Variants in AKAP9 observed in about 807,000 individuals in gnomAD.
AKAP9 encodes the protein A-kinase anchoring protein 9, also known as A-kinase anchor protein 9.
In AKAP9, 311 loss-of-function variants were observed where a neutral mutation model predicts 488.5. The ratio of observed to expected loss-of-function variants is 0.64; its 90% CI spans 0.58 to 0.70. The LOEUF (loss-of-function observed/expected upper bound fraction) is 0.70, where lower values mean the gene tolerates loss of function less well. Among genes scored for constraint, AKAP9 ranks in the 30% least tolerant of loss-of-function variants. AKAP9 has a pLI of 0.00. For synonymous variants in AKAP9, 1,462 were observed against 1,483.5 expected (o/e 0.99, Z 0.33); for missense variants, 4,215 against 4,374.5 (o/e 0.96, Z 1.03).
intron 16 of AKAP9, among the ~76,000 whole-genome samples, chr7:92,034,169 G>A (rs1804760704): frequency 6.6e-6 from 1 of 152,002 alleles, no homozygotes; most frequent in South Asian, 2.1e-4. Context: ...AATATGAAAG[G>A]GAAAGTCAAG....
chr7:92,076,088 A>G (rs1056270517), intron 28 of AKAP9, among the ~76,000 whole-genome samples: 2 of 152,224 alleles, frequency 1.3e-5, no homozygotes, highest in South Asian at 4.1e-4. Flanking sequence ...TTAAGTAGCA[A>G]CAAACCAGTG....
At chr7:91,976,349 G>C (rs1762887393) in intron 2 of AKAP9, among the ~76,000 whole-genome samples, 1 of 152,158 alleles carries the variant, frequency 6.6e-6, no homozygotes, top group Non-Finnish European at 1.5e-5. Flanking sequence ...AGCCCGACAA[G>C]TAGCTGGGAC....
chr7:92,097,613 A>C lies in AKAP9; in HGVS notation c.10426A>C (p.Arg3476=), dbSNP rs1063243. The change falls in exon 42 of 50, where the codon AGA becomes CGA. Residue 3476 remains arginine (R), a synonymous_variant. Transcript: ENST00000356239. ...EPTTWSLTSD[R]TRNWVLQQKI... is the part of the protein sequence containing the mutation. ...AACCACGTGGAGCTTAACCAGTGAT[A>C]GAACTAGAAATTGGGTTCTTCAACA... 629,501 of 1,613,192 alleles carry C rather than the reference A, an allele frequency of 0.39. 125,396 individuals carry two copies. The highest frequency in any genetic ancestry group is 0.53 in the African/African-American group (39,561 of 74,930).
chr7:91,965,824 T>A (rs2188154), intron 1 of AKAP9, among the ~76,000 whole-genome samples: 60,726 of 152,042 alleles, frequency 0.4, 12,424 homozygotes, highest in African/African-American at 0.46. Flanking sequence ...ACCATTTGTA[T>A]GTATTCTCTT....
At chr7:92,108,301 A>G (rs779826083) in intron 48 of AKAP9, among the ~76,000 whole-genome samples, 193 bp from the exon 49 acceptor site, 11 of 152,164 alleles carry the variant, frequency 7.2e-5, no homozygotes, top group Non-Finnish European at 1.3e-4. Context: ...TCTTATGTTG[A>G]CTTAGTAGCA....
intron 1 of AKAP9, among the ~76,000 whole-genome samples, chr7:91,959,405 ACCTCAG>A (rs975563502): frequency 1.3e-5 from 2 of 151,230 alleles, no homozygotes; most frequent in African/African-American, 4.9e-5. Flanking sequence ...CAGTCCTTCC[ACCTCAG>A]CCTTTCAACT....
rs373657267 is a variant in AKAP9 at position 91,973,699 on chromosome 7, C to G, written c.49-12C>G. On this transcript the variant is annotated splice_polypyrimidine_tract_variant and intron_variant, in intron 1 of 49. Transcript: ENST00000356239. ...TATCTTTGACAATAACGGTTATTTT[C>G]TTTTTTCTTAGCTTGCCCAGTTTCG... 1.2e-6 allele frequency: 2 copies of G among 1,612,462 alleles called. No individual in the cohort carries two copies. Among genetic ancestry groups the G allele is most frequent in the African/African-American group, 2.7e-5 (2 of 74,760 alleles).
At chr7:92,039,846 A>G (rs1467614897) in intron 17 of AKAP9, among the ~76,000 whole-genome samples, 4 of 151,748 alleles carry the variant, frequency 2.6e-5, no homozygotes, top group Non-Finnish European at 5.9e-5. Flanking sequence ...ATGGCAGTAC[A>G]TGCCTGTAAT....
rs775411707 is a variant in AKAP9, at chr7:92,002,138, C to G, written c.2221C>G (p.Leu741Val). The change falls in exon 8 of 50, where the codon CTT becomes GTT. Residue 741 changes from leucine (L) to valine (V), a missense_variant. Coordinates refer to ENST00000356239, the MANE Select transcript of AKAP9 (RefSeq NM_005751.5). ...LRQEEKEKGT[L>V]EQEVQELQLK... ...ACAAGAAGAAAAAGAAAAGGGTACA[C>G]TTGAACAAGAAGTTCAAGAATTACA... The G allele has an allele frequency of 1.8e-5, 29 of 1,593,398 alleles. No individual in the cohort carries two copies. The highest frequency in any genetic ancestry group is 2.3e-5 in the Non-Finnish European group (27 of 1,173,834).
chr7:91,960,373 A>G (rs1793584166), intron 1 of AKAP9, among the ~76,000 whole-genome samples: 1 of 152,226 alleles, frequency 6.6e-6, no homozygotes, highest in Admixed American at 6.5e-5. Context: ...TGACAGATGA[A>G]TGAAAAGCAG....
At chr7:91,993,370 A>G (rs1391863332) in intron 5 of AKAP9, among the ~76,000 whole-genome samples, 1 of 151,858 alleles carries the variant, frequency 6.6e-6, no homozygotes, top group Non-Finnish European at 1.5e-5. Flanking sequence ...TTGTAGAGAC[A>G]GGGTGTCACC....
chr7:92,077,092 C>CT lies in AKAP9; in HGVS notation c.6765+88dup, dbSNP rs201649179. 0.19 allele frequency: 55,518 copies of CT among 297,082 alleles called. 8,638 individuals are homozygous for CT. Among genetic ancestry groups the CT allele is most frequent in the African/African-American group, 0.39 (12,645 of 32,234 alleles). The allele number at this position is 297,082 out of a possible 1,614,324, so 18.4% of individuals were successfully genotyped here. A position where few individuals can be genotyped will look rare whatever the true frequency, so the allele number is the denominator to read the frequency against. On this transcript the variant is annotated intron_variant, in intron 29 of 49. Transcript: ENST00000356239. ...TTTATTATTATTATTATTATTATTT[C>CT]TTTCTTTTTTTTTTTTTTTTTGAGA...
intron 1 of AKAP9, among the ~76,000 whole-genome samples, chr7:91,972,497 A>G (rs1795220614): frequency 1.3e-5 from 2 of 152,210 alleles, no homozygotes; most frequent in Admixed American, 1.3e-4. Context: ...GAGAATGGGA[A>G]TCATGAAAAT....
chr7:91,979,347 C>T (rs1796103176), intron 2 of AKAP9, among the ~76,000 whole-genome samples: 1 of 152,020 alleles, frequency 6.6e-6, no homozygotes, highest in Admixed American at 6.6e-5. Flanking sequence ...AAGGGAAACC[C>T]CTTATAAAAC....
intron 39 of AKAP9, 76 bp from the exon 40 acceptor site, chr7:92,094,947 G>A: frequency 7.4e-7 from 1 of 1,343,250 alleles, no homozygotes; most frequent in Non-Finnish European, 1.1e-6. Flanking sequence ...CTTATCAGTA[G>A]AAGCTGTTTT....
At chr7:91,992,843 T>C (rs1290440709) in intron 4 of AKAP9, 42 bp from the exon 5 acceptor site, 2 of 1,568,950 alleles carry the variant, frequency 1.3e-6, no homozygotes, top group South Asian at 1.1e-5. Context: ...CCCTAAGGAA[T>C]ATTGCTAATA....
At position 92,084,855 on chromosome 7, in the gene AKAP9, C is replaced by T; in HGVS notation, c.8747C>T (p.Thr2916Ile). ...GACTGGGGTCAGGGAATTTATCTTA[C>T]ACACAGTCAGGGATTTGACATAGCA... is the stretch of plus-strand genomic sequence containing the variant. ...GSDWGQGIYL[T>I]HSQGFDIASE... The change falls in exon 35 of 50, where the codon ACA becomes ATA. Residue 2916 changes from threonine to isoleucine, a missense_variant. Thr to Ile is a moderately conservative substitution (Grantham distance 89). Around this residue, in one of 5 missense-constraint regions of AKAP9, gnomAD observed 1,476 missense variants for 1,477.4 expected, o/e 1.00. Coordinates refer to ENST00000356239, the MANE Select transcript of AKAP9 (RefSeq NM_005751.5). The T allele has an allele frequency of 6.2e-7, 1 of 1,612,790 alleles. No homozygotes were observed. The highest frequency in any genetic ancestry group is 8.5e-7 in the Non-Finnish European group (1 of 1,179,342).
At chr7:91,969,884 A>C (rs1794842537) in intron 1 of AKAP9, among the ~76,000 whole-genome samples, 2 of 152,240 alleles carry the variant, frequency 1.3e-5, no homozygotes, top group African/African-American at 4.8e-5. Context: ...ATTTTAATTG[A>C]AGAATTGAGT....
In AKAP9 at chr7:91,992,145, T is replaced by G; in HGVS notation, c.352-13T>G. 2 of 1,594,460 alleles carry G rather than the reference T, an allele frequency of 1.3e-6. No homozygotes were observed. Among genetic ancestry groups the G allele is most frequent in the Non-Finnish European group, 1.7e-6 (2 of 1,162,244 alleles). ...CTAAGATCATAATATATCAGGAAAT[T>G]GTTTTTATACAGGTAAATGGTTGCA... is the stretch of plus-strand genomic sequence containing the variant. On this transcript the variant is annotated splice_polypyrimidine_tract_variant and intron_variant, in intron 3 of 49. Transcript: ENST00000356239.
Sources: gnomAD v4.1 joint callset for allele counts (sites outside exome capture counted in the v4.1 genomes callset) on GRCh38, gnomAD v4.1.1 for gene constraint, gnomAD v4.1.1 regional missense constraint, MANE v1.5 for transcripts, NCBI Gene and HGNC (gene_info 2026-07-23, HGNC 2026-07-21) for gene names.